The following SEMA3C variants were observed in gnomAD, a reference collection of about 807,000 sequenced individuals.
SEMA3C encodes semaphorin-3C.
Under a neutral mutation model 89.4 loss-of-function variants are expected in SEMA3C, and 47 were observed. That is an observed-to-expected ratio of 0.53 (90% CI 0.42 to 0.67). SEMA3C has a LOEUF of 0.67. Among genes scored for constraint, SEMA3C ranks in the 30% least tolerant of loss-of-function variants. The pLI is 0.00. For synonymous variants in SEMA3C, 310 were observed against 320.2 expected, an observed-to-expected ratio of 0.97 and a Z score of 0.34; for missense variants, 839 against 929.1, an observed-to-expected ratio of 0.90 and a Z score of 1.26.
chr7:80,754,966 T>TTTTTGTTTTTTTTGTTTTTTTTG, intron 15 of SEMA3C, among the ~76,000 whole-genome samples: 1 of 139,096 alleles, frequency 7.2e-6, no homozygotes, highest in Admixed American at 7.3e-5. Context: ...TGTTTTTTTT[T>TTTTTGTTTTTTTTGTTTTTTTTG]TTTTTGTATT....
intron 5 of SEMA3C, among the ~76,000 whole-genome samples, chr7:80,812,682 T>C (rs1220449028): frequency 6.6e-6 from 1 of 152,204 alleles, no homozygotes; most frequent in Non-Finnish European, 1.5e-5. Flanking sequence ...TCAAGCACCC[T>C]GAAATAATTC....
chr7:80,786,023 C>T (rs1007435757), intron 12 of SEMA3C, among the ~76,000 whole-genome samples: 14 of 152,292 alleles, frequency 9.2e-5, no homozygotes, highest in Middle Eastern at 3.4e-3. Flanking sequence ...GCTAAGCGCG[C>T]TACCATCTCT....
At chr7:80,828,883 T>G in intron 2 of SEMA3C, 138 bp from the exon 3 acceptor site, 1 of 675,152 alleles carries the variant, frequency 1.5e-6, no homozygotes, top group Non-Finnish European at 2.3e-6. Flanking sequence ...AATTTTAAAA[T>G]AGAGTTATGG....
At chr7:80,825,098 C>T (rs1274109218) in intron 4 of SEMA3C, among the ~76,000 whole-genome samples, 3 of 152,030 alleles carry the variant, frequency 2.0e-5, no homozygotes, top group South Asian at 2.1e-4. Context: ...TTAAGTATGT[C>T]GTTTCATTGA....
chr7:80,851,504 TAAAAAAAAAAAA>T lies in SEMA3C; in HGVS notation c.104-22771_104-22760del, dbSNP rs35936052. ...GGTGACAGAGCAAGACTCTTGTCTTTAAAAAAAAAAAAAAAAAAAAAAAAAAAGACATTCATA... is the reference window on the plus strand; with the variant it reads ...GGTGACAGAGCAAGACTCTTGTCTTTAAAAAAAAAAAAAAAGACATTCATA... On this transcript the variant is annotated intron_variant, in intron 2 of 17. Coordinates refer to ENST00000265361, the MANE Select transcript of SEMA3C (RefSeq NM_006379.5). Among the ~76,000 whole-genome samples the T allele has an allele frequency of 0.018, 1,282 of 69,842 alleles. 73 individuals carry two copies. In the East Asian group the frequency reaches 0.23, roughly 12 times the overall value. 45.8% of individuals were successfully genotyped at this position (69,842 alleles called of 152,430 possible).
At chr7:80,829,471 T>C (rs75776742) in intron 2 of SEMA3C, among the ~76,000 whole-genome samples, 1,977 of 152,304 alleles carry the variant, frequency 0.013, 58 homozygotes, top group East Asian at 0.11. Context: ...ATTTTAGGAT[T>C]GTTATTTCCT....
intron 5 of SEMA3C, among the ~76,000 whole-genome samples, chr7:80,814,083 T>A (rs942936834): frequency 1.4e-5 from 2 of 138,834 alleles, no homozygotes; most frequent in Non-Finnish European, 3.3e-5. Flanking sequence ...CTTTTTTTTT[T>A]CTTTTTTCTT....
At chr7:80,816,198 C>G (rs1271084901) in intron 5 of SEMA3C, 6 of 152,118 alleles carry the variant, frequency 3.9e-5, no homozygotes, top group Non-Finnish European at 7.3e-5. Flanking sequence ...ATGCTCCAAA[C>G]ACGAAGTAGG....
At chr7:80,767,702 T>A (rs1273918621) in intron 12 of SEMA3C, among the ~76,000 whole-genome samples, 1 of 152,238 alleles carries the variant, frequency 6.6e-6, no homozygotes, top group African/African-American at 2.4e-5. Context: ...TGCACATTTT[T>A]AAATTCTACT....
chr7:80,913,506 C>A (rs1373880182), intron 2 of SEMA3C, among the ~76,000 whole-genome samples: 1 of 152,184 alleles, frequency 6.6e-6, no homozygotes, highest in African/African-American at 2.4e-5. Context: ...TGTTTTTAAA[C>A]CACTGTCATG....
At chr7:80,920,518 G>A (rs968915187), upstream of SEMA3C, among the ~76,000 whole-genome samples, 1 of 152,178 alleles carries the variant, frequency 6.6e-6, no homozygotes, top group African/African-American at 2.4e-5. Flanking sequence ...CATCTTTCAT[G>A]TGTCTGGGGC....
chr7:80,898,364 T>C (rs1049439729), intron 2 of SEMA3C, among the ~76,000 whole-genome samples: 1 of 150,516 alleles, frequency 6.6e-6, no homozygotes, highest in African/African-American at 2.5e-5. Context: ...AGATTTTGTC[T>C]CAAAACAAAC....
At chr7:80,745,390 A>G in intron 17 of SEMA3C, 83 bp from the exon 18 acceptor site, 1 of 1,333,920 alleles carries the variant, frequency 7.5e-7, no homozygotes, top group South Asian at 1.3e-5. Context: ...AATAGTCTCA[A>G]CTTTCACAGA....
rs56933427 is a variant in SEMA3C, at chr7:80,825,764, A to G, written c.327+1661T>C. Reference sequence around the variant, plus strand: ...GTGGCAAAAGGCAAGGCATGATCAGACACACATCAATGGGAAAAAAATCTC... The same window carrying G: ...GTGGCAAAAGGCAAGGCATGATCAGGCACACATCAATGGGAAAAAAATCTC... On this transcript the variant is annotated intron_variant, in intron 4 of 17. Transcript: ENST00000265361. 3.4e-3 allele frequency among the ~76,000 whole-genome samples: 521 copies of G among 152,294 alleles called. 8 individuals carry two copies. The highest frequency in any genetic ancestry group is 0.012 in the African/African-American group (496 of 41,568).
At chr7:80,761,073 T>A (rs1583851831) in intron 14 of SEMA3C, among the ~76,000 whole-genome samples, 1 of 152,244 alleles carries the variant, frequency 6.6e-6, no homozygotes, top group East Asian at 1.9e-4. Flanking sequence ...TCAATTACAA[T>A]CAAATATTTC....
At chr7:80,764,636 A>C (rs1788256100) in intron 13 of SEMA3C, among the ~76,000 whole-genome samples, 1 of 152,186 alleles carries the variant, frequency 6.6e-6, no homozygotes, top group South Asian at 2.1e-4. Context: ...ATGAAATCTC[A>C]AGTTCTGAGT....
chr7:80,825,276 A>C (rs1473713618), intron 4 of SEMA3C, among the ~76,000 whole-genome samples: 3 of 152,130 alleles, frequency 2.0e-5, no homozygotes, highest in Non-Finnish European at 2.9e-5. Context: ...TCTTGCACAG[A>C]CCAAACATGT....
intron 12 of SEMA3C, among the ~76,000 whole-genome samples, chr7:80,770,790 G>A (rs906706090): frequency 3.5e-4 from 53 of 152,198 alleles, no homozygotes; most frequent in Admixed American, 3.3e-3. Context: ...AAAAGAGTGA[G>A]GGCCCTGCCC....
At chr7:80,856,044 G>A (rs1007802298) in intron 2 of SEMA3C, among the ~76,000 whole-genome samples, 6 of 152,130 alleles carry the variant, frequency 3.9e-5, no homozygotes, top group African/African-American at 4.8e-5. Flanking sequence ...AGATAACATC[G>A]TTTTTAATAG....
Sources: allele counts gnomAD v4.1 joint callset (sites outside exome capture counted in the v4.1 genomes callset), GRCh38; gene constraint gnomAD v4.1.1; transcripts MANE v1.5; gene names NCBI Gene and HGNC (gene_info 2026-07-23, HGNC 2026-07-21).